Variants in SOX6 observed in about 807,000 individuals in gnomAD.
The protein encoded by SOX6 is transcription factor SOX-6.
In SOX6, 11 loss-of-function variants were observed where a neutral mutation model predicts 97.8. That is an observed-to-expected ratio of 0.11 (90% CI 0.07 to 0.19). SOX6 has a LOEUF of 0.19. Ranked by LOEUF, SOX6 falls within the 10% of genes least tolerant of loss-of-function variation. The probability of loss-of-function intolerance (pLI) is 1.00; values close to 1 mark genes in which losing one functional copy is unlikely to be tolerated. For missense variants in SOX6, 810 were observed against 1,039.5 expected (o/e 0.78, Z 3.04); for synonymous variants, 360 against 371.4 (o/e 0.97, Z 0.35).
At chr11:16,393,204 T>C (rs1168825181) in intron 1 of SOX6, among the ~76,000 whole-genome samples, 1 of 152,068 alleles carries the variant, frequency 6.6e-6, no homozygotes, top group East Asian at 1.9e-4. Context: ...CTAAGATTTC[T>C]GTTTTTCAGA....
At chr11:16,277,054 T>C (rs1854425028) in intron 3 of SOX6, among the ~76,000 whole-genome samples, 1 of 152,176 alleles carries the variant, frequency 6.6e-6, no homozygotes, top group Non-Finnish European at 1.5e-5. Context: ...AGAAGCTATA[T>C]ATGTTAAACA....
intron 2 of SOX6, among the ~76,000 whole-genome samples, chr11:16,726,121 A>C (rs934309640): frequency 1.3e-5 from 2 of 152,262 alleles, no homozygotes; most frequent in African/African-American, 4.8e-5. Context: ...TAAAATCAAC[A>C]GTGATGGCTG....
At chr11:16,309,045 C>T (rs1450516181) in intron 3 of SOX6, among the ~76,000 whole-genome samples, 1 of 152,206 alleles carries the variant, frequency 6.6e-6, no homozygotes, top group Admixed American at 6.5e-5. Context: ...AACACAGGCG[C>T]ATGCATGCAC....
At chr11:16,293,295 C>G (rs1037690211) in intron 3 of SOX6, among the ~76,000 whole-genome samples, 3 of 152,004 alleles carry the variant, frequency 2.0e-5, no homozygotes, top group Non-Finnish European at 4.4e-5. Context: ...TGAGAGACAC[C>G]GGAATTTAAC....
chr11:16,569,782 T>C (rs1847917106), intron 4 of SOX6, among the ~76,000 whole-genome samples: 1 of 145,998 alleles, frequency 6.8e-6, no homozygotes, highest in South Asian at 2.2e-4. Flanking sequence ...GGCAAGAGAA[T>C]GGTGTGAACC....
chr11:16,178,282 T>C (rs190453680), intron 6 of SOX6, among the ~76,000 whole-genome samples: 48 of 152,140 alleles, frequency 3.2e-4, no homozygotes, highest in Admixed American at 7.9e-4. Context: ...GTCATAATTA[T>C]AGCAGCTTTA....
chr11:16,040,550 G>T (rs548832695), intron 12 of SOX6, among the ~76,000 whole-genome samples: 3 of 151,792 alleles, frequency 2.0e-5, no homozygotes, highest in Non-Finnish European at 2.9e-5. Context: ...AAACACTATC[G>T]CAAGTATAAA....
chr11:16,633,075 G>T (rs1848735302), intron 3 of SOX6, among the ~76,000 whole-genome samples: 1 of 152,170 alleles, frequency 6.6e-6, no homozygotes, highest in African/African-American at 2.4e-5. Context: ...CAGGAAAGCT[G>T]GGATGGGTAG....
chr11:16,285,040 A>T (rs1854692208), intron 3 of SOX6, among the ~76,000 whole-genome samples: 1 of 152,154 alleles, frequency 6.6e-6, no homozygotes, highest in Non-Finnish European at 1.5e-5. Flanking sequence ...GATAAAACAG[A>T]CTATTTCTAG....
At chr11:16,107,596 G>C (rs1849128242) in intron 7 of SOX6, among the ~76,000 whole-genome samples, 1 of 151,484 alleles carries the variant, frequency 6.6e-6, no homozygotes, top group South Asian at 2.1e-4. Flanking sequence ...CAAATGCATA[G>C]AGAAAAATAA....
intron 3 of SOX6, among the ~76,000 whole-genome samples, chr11:16,268,515 G>T (rs962464120): frequency 6.6e-6 from 1 of 151,118 alleles, no homozygotes; most frequent in African/African-American, 2.4e-5. Context: ...CGATAGAGAA[G>T]ACGGTCATTC....
intron 9 of SOX6, among the ~76,000 whole-genome samples, chr11:16,072,444 T>C (rs970228402): frequency 6.6e-6 from 1 of 152,104 alleles, no homozygotes. Context: ...AATATGGGAT[T>C]ATGTAAAGAG....
At chr11:16,632,659 G>C (rs1848726721) in intron 3 of SOX6, among the ~76,000 whole-genome samples, 1 of 152,206 alleles carries the variant, frequency 6.6e-6, no homozygotes, top group Non-Finnish European at 1.5e-5. Context: ...AATCGAATAG[G>C]TGAGCACCAA....
In SOX6 at chr11:16,736,175, G is replaced by A. The variant is rs757597914; in HGVS notation, n.353+164C>T. The stretch of plus-strand genomic sequence containing the variant: ...TTAACTACCGTGTGGCAGGCATTGC[G>A]CCAGAAACAAAAATGCAGATGCAAC... On this transcript the variant is annotated intron_variant and non_coding_transcript_variant, in intron 2 of 5. Coordinates refer to the SOX6 transcript ENST00000524520. 3.9e-5 allele frequency among the ~76,000 whole-genome samples: 6 copies of A among 152,140 alleles called. 1 individual carries two copies. In the South Asian group the frequency reaches 6.2e-4, roughly 16 times the overall value.
At chr11:16,179,497 C>G (rs924944136) in intron 6 of SOX6, among the ~76,000 whole-genome samples, 2 of 151,828 alleles carry the variant, frequency 1.3e-5, no homozygotes, top group African/African-American at 4.8e-5. Flanking sequence ...TGTATTTCAA[C>G]ATTTAAAAGA....
chr11:16,358,898 A>G (rs1451458082), upstream of SOX6, among the ~76,000 whole-genome samples: 2 of 152,054 alleles, frequency 1.3e-5, no homozygotes, highest in Non-Finnish European at 2.9e-5. Context: ...TGTGTCTACT[A>G]CCTCTTTTAT....
chr11:16,023,680 CTTAGCAATTCACCA>C (rs1028178637), intron 12 of SOX6, among the ~76,000 whole-genome samples: 42 of 152,188 alleles, frequency 2.8e-4, no homozygotes, highest in African/African-American at 9.6e-4. Flanking sequence ...TCTTACATTG[CTTAGCAATTCACCA>C]TTAGCAATTC....
chr11:16,181,158 T>C (rs565496421), intron 6 of SOX6, among the ~76,000 whole-genome samples: 2 of 151,642 alleles, frequency 1.3e-5, no homozygotes, highest in African/African-American at 4.8e-5. Flanking sequence ...TGCAACCACC[T>C]CATACTCATG....
chr11:16,218,066 C>G (rs1263720671), intron 4 of SOX6, among the ~76,000 whole-genome samples: 1 of 152,022 alleles, frequency 6.6e-6, no homozygotes, highest in Non-Finnish European at 1.5e-5. Context: ...TACATATGAT[C>G]TATATACATT....
Sources: gnomAD v4.1 joint callset for allele counts (sites outside exome capture counted in the v4.1 genomes callset) on GRCh38, gnomAD v4.1.1 for gene constraint, MANE v1.5 for transcripts, NCBI Gene and HGNC (gene_info 2026-07-23, HGNC 2026-07-21) for gene names.